Variants in SULF2 observed in about 807,000 individuals in gnomAD.
SULF2 encodes extracellular sulfatase Sulf-2.
In SULF2, 52 loss-of-function variants were observed where a neutral mutation model predicts 107.7. The observed-to-expected ratio is 0.48, with a 90% confidence interval of 0.39 to 0.61. The LOEUF (loss-of-function observed/expected upper bound fraction) is 0.61. Ranked by LOEUF, SULF2 falls within the 20% of genes least tolerant of loss-of-function variation. SULF2 has a pLI of 0.00. For missense variants in SULF2, 993 were observed against 1,177.3 expected, an observed-to-expected ratio of 0.84 and a Z score of 2.29; for synonymous variants, 460 against 464.3, an observed-to-expected ratio of 0.99 and a Z score of 0.12.
chr20:47,750,868 C>A (rs1046430262), intron 2 of SULF2, among the ~76,000 whole-genome samples: 25 of 152,190 alleles, frequency 1.6e-4, no homozygotes, highest in Non-Finnish European at 2.2e-4. Context: ...CTGGAGTGCT[C>A]TTCCCCAGGG....
chr20:47,709,902 CTTT>C (rs36064156), intron 3 of SULF2, among the ~76,000 whole-genome samples: 35 of 137,922 alleles, frequency 2.5e-4, no homozygotes, highest in Middle Eastern at 3.8e-3. Context: ...CCTGAAACCA[CTTT>C]TTTTTTTTTT....
intron 10 of SULF2, among the ~76,000 whole-genome samples, chr20:47,675,704 G>A (rs1279368419): frequency 6.6e-6 from 1 of 151,990 alleles, no homozygotes; most frequent in Non-Finnish European, 1.5e-5. Context: ...CACCCCTTGG[G>A]CCAGCCAAGG....
At chr20:47,676,831 G>A in intron 9 of SULF2, 3 of 675,198 alleles carry the variant, frequency 4.4e-6, no homozygotes, top group Non-Finnish European at 7.4e-6. Context: ...GCATGAGTTG[G>A]CAATAAATTA....
chr20:47,750,407 T>C (rs1226898304), intron 2 of SULF2, among the ~76,000 whole-genome samples: 1 of 152,254 alleles, frequency 6.6e-6, no homozygotes, highest in Non-Finnish European at 1.5e-5. Context: ...CATCAGCACT[T>C]GTATCAGCTC....
chr20:47,773,489 G>C lies in SULF2; in HGVS notation c.-101+11854C>G, dbSNP rs534862762. ...ACAATGAAACCAACATGGTGCAGCC[G>C]AGCACGGCAGTGTGGCCCACAGGAG... On this transcript the variant is annotated intron_variant, in intron 1 of 20. Coordinates refer to ENST00000688720, the MANE Select transcript of SULF2 (RefSeq NM_001387048.1). Among the ~76,000 whole-genome samples the C allele has an allele frequency of 5.9e-5, 9 of 152,254 alleles. 1 individual carries two copies. Among genetic ancestry groups the C allele is most frequent in the African/African-American group, 1.9e-4 (8 of 41,472 alleles).
intron 3 of SULF2, among the ~76,000 whole-genome samples, chr20:47,708,843 G>A (rs1268255920): frequency 6.6e-6 from 1 of 152,082 alleles, no homozygotes; most frequent in Non-Finnish European, 1.5e-5. Flanking sequence ...TCAGTGCCAC[G>A]GATGTCAGCT....
At position 47,757,305 on chromosome 20, in the gene SULF2, C is replaced by G; in HGVS notation, c.59G>C (p.Gly20Ala). ...GTGCGACAGGAAGGCCGAGCTTCCA[C>G]CCAGCAGGGAGAACACAGTTGCGGA... The part of the protein sequence containing the change: ...LLSATVFSLL[G>A]GSSAFLSHHR... The change falls in exon 2 of 21, where the codon GGT (glycine) becomes GCT (alanine). Residue 20 changes from glycine to alanine, a missense_variant. By Grantham distance (60) the Gly-to-Ala change is moderately conservative (BLOSUM62 0). This residue lies in a region of SULF2 where 388 missense variants were observed against 449.2 expected (regional missense o/e 0.86). Transcript: ENST00000688720. 1.2e-6 allele frequency: 2 copies of G among 1,600,200 alleles called. No homozygotes were observed. The highest frequency in any genetic ancestry group is 4.5e-5 in the East Asian group (2 of 44,408).
intron 1 of SULF2, among the ~76,000 whole-genome samples, chr20:47,782,721 G>A (rs2122748182): frequency 6.6e-6 from 1 of 152,248 alleles, no homozygotes; most frequent in East Asian, 1.9e-4. Flanking sequence ...ATTTTGACTG[G>A]GGGAGGGGAC....
At chr20:47,673,878 G>A (rs534788189) in intron 10 of SULF2, among the ~76,000 whole-genome samples, 1 of 152,226 alleles carries the variant, frequency 6.6e-6, no homozygotes, top group Non-Finnish European at 1.5e-5. Context: ...TGAGTTCTGC[G>A]TGAAGCCCTG....
chr20:47,701,828 G>A (rs2088578987), intron 4 of SULF2, among the ~76,000 whole-genome samples: 2 of 152,138 alleles, frequency 1.3e-5, no homozygotes, highest in African/African-American at 2.4e-5. Context: ...CGTTATCCTC[G>A]CGGGAGGGGT....
At position 47,764,903 on chromosome 20, in the gene SULF2, C is replaced by G. The variant is rs983110543; in HGVS notation, c.-100-7440G>C. Among the ~76,000 whole-genome samples, 3 of 152,234 alleles carry G rather than the reference C, an allele frequency of 2.0e-5. No individual in the cohort carries two copies. The East Asian group carries it at 5.8e-4, about 29-fold the overall frequency. ...AGTGTGTGACCTCACGCCACCCTTA[C>G]AACCACCTTGTGAGTTGGGATGCTC... On this transcript the variant is annotated intron_variant, in intron 1 of 20. Coordinates refer to ENST00000688720, the MANE Select transcript of SULF2 (RefSeq NM_001387048.1).
chr20:47,739,201 T>G (rs2089818844), intron 2 of SULF2, among the ~76,000 whole-genome samples: 1 of 152,154 alleles, frequency 6.6e-6, no homozygotes, highest in Admixed American at 6.5e-5. Flanking sequence ...CAGTTTGTGA[T>G]CTGTTAGGAC....
intron 1 of SULF2, among the ~76,000 whole-genome samples, chr20:47,775,602 A>G (rs1187544851): frequency 6.6e-6 from 1 of 152,244 alleles, no homozygotes; most frequent in East Asian, 1.9e-4. Flanking sequence ...TAAGACTTTC[A>G]GCCTCTTCGG....
intron 3 of SULF2, among the ~76,000 whole-genome samples, chr20:47,730,732 G>A (rs2089575799): frequency 6.6e-6 from 1 of 152,216 alleles, no homozygotes; most frequent in African/African-American, 2.4e-5. Flanking sequence ...ACAGGCGTGA[G>A]CCACTGTGCC....
chr20:47,726,002 A>G (rs563643649), intron 3 of SULF2, among the ~76,000 whole-genome samples: 262 of 152,286 alleles, frequency 1.7e-3, no homozygotes, highest in African/African-American at 6.2e-3. Context: ...AGACCCAGGA[A>G]GGTTTGGGAA....
rs918976767 is a variant in SULF2, at chr20:47,666,577, C to T, written c.1577-89G>A. The T allele has an allele frequency of 2.8e-5, 30 of 1,066,296 alleles. No individual in the cohort carries two copies. The highest frequency in any genetic ancestry group is 4.0e-5 in the Admixed American group (2 of 49,936). The allele number at this position is 1,066,296 out of a possible 1,614,324, so 66.1% of individuals were successfully genotyped here. A position where few individuals can be genotyped will look rare whatever the true frequency, so the allele number is the denominator to read the frequency against. ...AGTGGGTCCTTCATCAAGATAGGGC[C>T]GGGCTTCCAAGCATGAGGCTCAGCT... On this transcript the variant is annotated intron_variant, in intron 11 of 20. Coordinates refer to ENST00000688720, the MANE Select transcript of SULF2 (RefSeq NM_001387048.1). This position sits in a 1 kb window ranked among gnomAD's most constrained non-coding sequence, Gnocchi z 5.4.
chr20:47,747,016 T>TACACACAC (rs1487483656), intron 2 of SULF2, among the ~76,000 whole-genome samples: 318 of 78,996 alleles, frequency 4.0e-3, no homozygotes, highest in Non-Finnish European at 7.5e-3. Context: ...TATATATATA[T>TACACACAC]ATACACACAC....
At chr20:47,785,792 C>G (rs898417091), upstream of SULF2, 2 of 149,608 alleles carry the variant, frequency 1.3e-5, no homozygotes, top group Non-Finnish European at 3.0e-5. Context: ...GGGGGCCCAG[C>G]CGCGGTGCCC....
At chr20:47,721,526 G>A (rs1361334950) in intron 3 of SULF2, among the ~76,000 whole-genome samples, 2 of 152,176 alleles carry the variant, frequency 1.3e-5, no homozygotes, top group South Asian at 2.1e-4. Flanking sequence ...GCGCTACCAC[G>A]CCTGGCTAAT....
Sources: allele counts gnomAD v4.1 joint callset (sites outside exome capture counted in the v4.1 genomes callset), GRCh38; gene constraint gnomAD v4.1.1; regional missense constraint gnomAD v4.1.1; non-coding constraint Gnocchi (gnomAD v3.1); transcripts MANE v1.5; gene names NCBI Gene and HGNC (gene_info 2026-07-23, HGNC 2026-07-21).